Variants in MCM8 observed in about 807,000 individuals in gnomAD.
MCM8 encodes DNA helicase MCM8.
In MCM8, 85 loss-of-function variants were observed where a neutral mutation model predicts 98.9. The ratio of observed to expected loss-of-function variants is 0.86; its 90% CI spans 0.72 to 1.03. MCM8 has a LOEUF of 1.03. Ranked by LOEUF, MCM8 falls within the 50% of genes least tolerant of loss-of-function variation. The pLI is 0.00. For missense variants in MCM8, 951 were observed against 997.8 expected, an observed-to-expected ratio of 0.95 and a Z score of 0.63; for synonymous variants, 352 against 338.6, an observed-to-expected ratio of 1.04 and a Z score of -0.44.
chr20:5,961,895 C>T (rs2089152382), intron 7 of MCM8, among the ~76,000 whole-genome samples: 2 of 152,254 alleles, frequency 1.3e-5, no homozygotes, highest in South Asian at 4.1e-4. Flanking sequence ...CAGTTGATCT[C>T]TATTCCCGCC....
At chr20:5,956,750 T>A (rs1343852388) in intron 5 of MCM8, among the ~76,000 whole-genome samples, 3 of 152,158 alleles carry the variant, frequency 2.0e-5, no homozygotes, top group Non-Finnish European at 2.9e-5. Flanking sequence ...ATTTTAAAGG[T>A]CATTTTTATT....
Position 5,967,560 on chromosome 20 carries a change from A to T in MCM8, c.1000A>T (p.Ile334Phe). ...VPGDTVTITG[I>F]VKVSNAEEGS... The stretch of plus-strand genomic sequence containing the variant: ...GGGAGACACAGTGACTATTACTGGA[A>T]TTGTCAAAGTCTCAAATGCGGAAGA... Residue 334 changes from isoleucine (I) to phenylalanine (F), a missense_variant, in exon 9 of 19, where the codon ATT (isoleucine) becomes TTT (phenylalanine). By Grantham distance (21) the Ile-to-Phe change is conservative (BLOSUM62 0). Coordinates refer to ENST00000610722, the MANE Select transcript of MCM8 (RefSeq NM_032485.6). 10 of 1,613,040 alleles carry T rather than the reference A, an allele frequency of 6.2e-6. No homozygotes were observed. The highest frequency in any genetic ancestry group is 8.5e-6 in the Non-Finnish European group (10 of 1,179,254).
intron 12 of MCM8, among the ~76,000 whole-genome samples, chr20:5,974,020 CAG>C (rs1284003147): frequency 6.6e-6 from 1 of 152,184 alleles, no homozygotes. Context: ...CTCTGCCAGT[CAG>C]AGCCTAGTGG....
chr20:5,960,770 T>TA (rs1327915372), intron 7 of MCM8, among the ~76,000 whole-genome samples: 1 of 152,106 alleles, frequency 6.6e-6, no homozygotes, highest in African/African-American at 2.4e-5. Flanking sequence ...ACCCCATCTC[T>TA]ACTAAAAATT....
intron 10 of MCM8, 24 bp downstream of exon 10, chr20:5,968,049 T>A: frequency 3.2e-6 from 5 of 1,578,006 alleles, no homozygotes; most frequent in Non-Finnish European, 2.6e-6. Context: ...CATTTGAAAT[T>A]TTATTACATA....
chr20:5,951,892 G>A, intron 1 of MCM8, 119 bp from the exon 2 acceptor site: 2 of 1,146,966 alleles, frequency 1.7e-6, no homozygotes, highest in Non-Finnish European at 2.4e-6. Flanking sequence ...AACTTTGCAA[G>A]CCTGTTTGCT....
intron 3 of MCM8, among the ~76,000 whole-genome samples, chr20:5,954,391 G>A (rs182090547): frequency 4.5e-4 from 68 of 152,312 alleles, no homozygotes; most frequent in African/African-American, 1.4e-3. Context: ...GGCTTTTAGA[G>A]AGAGAGAGTT....
intron 17 of MCM8, among the ~76,000 whole-genome samples, chr20:5,990,266 G>A (rs1203316333): frequency 6.6e-6 from 1 of 152,084 alleles, no homozygotes; most frequent in Non-Finnish European, 1.5e-5. Flanking sequence ...TGGTAGAGAC[G>A]GGGTTTTGCC....
At position 5,982,658 on chromosome 20, in the gene MCM8, C is replaced by G. The variant is rs532654274; in HGVS notation, c.1538-312C>G. Reference sequence around the variant, plus strand: ...GTTTGTGTGTGTATGTAACATCACACCCATTTGAATTTAACTCCTTAAGCA... The same window carrying G: ...GTTTGTGTGTGTATGTAACATCACAGCCATTTGAATTTAACTCCTTAAGCA... On this transcript the variant is annotated intron_variant, in intron 13 of 18. Coordinates refer to ENST00000610722, the MANE Select transcript of MCM8 (RefSeq NM_032485.6). Among the ~76,000 whole-genome samples, 9 of 152,234 alleles carry G rather than the reference C, an allele frequency of 5.9e-5. 1 individual carries two copies. The South Asian group carries it at 1.9e-3, about 32-fold the overall frequency.
chr20:5,979,120 A>G (rs566347607), intron 13 of MCM8, among the ~76,000 whole-genome samples: 222 of 152,314 alleles, frequency 1.5e-3, no homozygotes, highest in African/African-American at 5.1e-3. Flanking sequence ...AGTGACTTCC[A>G]TATTCTGAAC....
At chr20:5,963,966 A>G (rs1165029090) in intron 8 of MCM8, among the ~76,000 whole-genome samples, 1 of 152,252 alleles carries the variant, frequency 6.6e-6, no homozygotes, top group African/African-American at 2.4e-5. Flanking sequence ...GATATAGGCC[A>G]TAAGCAAAGC....
intron 7 of MCM8, among the ~76,000 whole-genome samples, chr20:5,960,125 C>T (rs555981494): frequency 6.6e-6 from 1 of 152,182 alleles, no homozygotes; most frequent in South Asian, 2.1e-4. Context: ...ACATTTTTGA[C>T]AGTTTGTTAG....
intron 12 of MCM8, 92 bp from the exon 13 acceptor site, chr20:5,977,784 C>T (rs530375225): frequency 7.4e-7 from 1 of 1,343,722 alleles, no homozygotes; most frequent in East Asian, 2.4e-5. Context: ...TAAAAGAATA[C>T]CTAGCATATA....
rs148162376 is a variant in MCM8 at position 5,959,925 on chromosome 20, C to G, written c.789+1199C>G. ...TGTTGGCCAGGCTGTTCTCAAACTCCTGACCTGGTGATCCGCCTGCCTCAG... is the reference window on the plus strand; with the variant it reads ...TGTTGGCCAGGCTGTTCTCAAACTCGTGACCTGGTGATCCGCCTGCCTCAG... On this transcript the variant is annotated intron_variant, in intron 7 of 18. Transcript: ENST00000610722. 3.0e-3 allele frequency among the ~76,000 whole-genome samples: 454 copies of G among 152,202 alleles called. 7 individuals are homozygous for G. The highest frequency in any genetic ancestry group is 0.011 in the African/African-American group (440 of 41,546).
intron 12 of MCM8, among the ~76,000 whole-genome samples, chr20:5,975,271 A>G (rs1417785784): frequency 3.3e-5 from 5 of 152,008 alleles, no homozygotes; most frequent in African/African-American, 4.8e-5. Context: ...AAAAAAAAAA[A>G]AAAGAAAACA....
chr20:5,952,389 C>G (rs1034279573), intron 2 of MCM8, 35 bp from the exon 3 acceptor site: 2 of 1,592,920 alleles, frequency 1.3e-6, no homozygotes, highest in South Asian at 2.2e-5. Flanking sequence ...AATGTTCACT[C>G]TGTTTCTACT....
chr20:5,969,273 A>C (rs1479388363), intron 10 of MCM8, among the ~76,000 whole-genome samples: 1 of 152,168 alleles, frequency 6.6e-6, no homozygotes, highest in African/African-American at 2.4e-5. Context: ...AGAACTGAGA[A>C]CGTTTTGAAA....
intron 7 of MCM8, 114 bp from the exon 8 acceptor site, chr20:5,963,160 C>T (rs1317897549): frequency 1.4e-6 from 1 of 735,036 alleles, no homozygotes; most frequent in Non-Finnish European, 2.4e-6. Flanking sequence ...ACTTTACTAG[C>T]ATCCTGAGAC....
At chr20:5,971,284 A>C (rs980590993) in intron 10 of MCM8, among the ~76,000 whole-genome samples, 9 of 152,212 alleles carry the variant, frequency 5.9e-5, no homozygotes, top group Non-Finnish European at 1.2e-4. Context: ...GTCTAATAAG[A>C]AACATTTTAC....
Sources: allele counts gnomAD v4.1 joint callset (sites outside exome capture counted in the v4.1 genomes callset), GRCh38; gene constraint gnomAD v4.1.1; transcripts MANE v1.5; gene names NCBI Gene and HGNC (gene_info 2026-07-23, HGNC 2026-07-21).